CACNG7: variants seen among roughly 807,000 people sequenced by gnomAD.
CACNG7 encodes the protein calcium voltage-gated channel auxiliary subunit gamma 7.
In CACNG7, 9 loss-of-function variants were observed where a neutral mutation model predicts 26.3. The ratio of observed to expected loss-of-function variants is 0.34; its 90% CI spans 0.21 to 0.60. The LOEUF (loss-of-function observed/expected upper bound fraction) is 0.60. Ranked by LOEUF, CACNG7 falls within the 20% of genes least tolerant of loss-of-function variation. The pLI is 0.81. For missense variants in CACNG7, 297 were observed against 380.4 expected (o/e 0.78, Z 1.82); for synonymous variants, 170 against 157.0 (o/e 1.08, Z -0.62).
intron 4 of CACNG7, among the ~76,000 whole-genome samples, chr19:53,921,738 G>A (rs1345123903): frequency 1.0e-5 from 1 of 99,716 alleles, no homozygotes; most frequent in African/African-American, 5.9e-5. Context: ...CATTGGTGGA[G>A]TTGCCCCAGG....
Position 53,939,156 on chromosome 19 carries a change from G to T in CACNG7, c.425-2314G>T, listed in dbSNP as rs921450859. ...CCTGTTAATTCCAGCTACGCAGGAG[G>T]CTGAGGCAGGAGAATCGCTTGAGTC... On this transcript the variant is annotated intron_variant, in intron 4 of 5. Coordinates refer to ENST00000391767, the MANE Select transcript of CACNG7 (RefSeq NM_031896.5). This position sits in a 1 kb window ranked among gnomAD's most constrained non-coding sequence, Gnocchi z 4.2. 6.6e-6 allele frequency among the ~76,000 whole-genome samples: 1 copy of T among 152,136 alleles called. No homozygotes were observed. The highest frequency in any genetic ancestry group is 1.9e-4 in the East Asian group (1 of 5,196).
rs980615182 is a variant in CACNG7 at position 53,912,405 on chromosome 19, G to T, written c.-29-398G>T. ...AGGTGAGGTTAGGTTTTGGCAGGGG[G>T]ACCTGGTTCTGGGGTTAAGAAGCTC... On this transcript the variant is annotated intron_variant, in intron 1 of 5. Transcript: ENST00000391767. This position sits in a 1 kb window ranked among gnomAD's most constrained non-coding sequence, Gnocchi z 4.6. 1.8e-4 allele frequency among the ~76,000 whole-genome samples: 27 copies of T among 152,192 alleles called. No homozygotes were observed. Among genetic ancestry groups the T allele is most frequent in the African/African-American group, 6.3e-4 (26 of 41,450 alleles).
In CACNG7 at chr19:53,940,173, T is replaced by A. The variant is rs1409891993; in HGVS notation, c.425-1297T>A. On this transcript the variant is annotated intron_variant, in intron 4 of 5. Transcript: ENST00000391767. This position sits in a 1 kb window ranked among gnomAD's most constrained non-coding sequence, Gnocchi z 4.1. ...TGGTTACTGTTTAGAGGAAATTTCA[T>A]CTGGAGAAAATGATAATCGCCTCTT... Among the ~76,000 whole-genome samples the A allele has an allele frequency of 1.3e-5, 2 of 152,182 alleles. No homozygotes were observed. The highest frequency in any genetic ancestry group is 2.9e-5 in the Non-Finnish European group (2 of 68,034).
At chr19:53,921,365 T>TCCCCAGGTCTGGTCATTGGTGGAGTTG (rs1599976329) in intron 4 of CACNG7, among the ~76,000 whole-genome samples, 1 of 112,412 alleles carries the variant, frequency 8.9e-6, no homozygotes, top group Non-Finnish European at 1.7e-5. Context: ...GGTGGAGTCG[T>TCCCCAGGTCTGGTCATTGGTGGAGTTG]CCCCAGGTCT....
chr19:53,936,129 A>G (rs780839315), intron 4 of CACNG7, among the ~76,000 whole-genome samples: 7 of 135,032 alleles, frequency 5.2e-5, no homozygotes, highest in African/African-American at 8.5e-5. Context: ...TCAATCTTTC[A>G]TGTTGACGTT....
chr19:53,919,140 C>T (rs112011683), intron 4 of CACNG7, among the ~76,000 whole-genome samples: 4,323 of 152,240 alleles, frequency 0.028, 175 homozygotes, highest in African/African-American at 0.094. Context: ...GCCTCCTCAC[C>T]ATGGCATTAT....
At chr19:53,914,367 C>A in intron 2 of CACNG7, 133 bp from the exon 3 acceptor site, 1 of 661,020 alleles carries the variant, frequency 1.5e-6, no homozygotes, top group Non-Finnish European at 2.7e-6. Context: ...TGGAGTAGTA[C>A]AGCTCGTAAC....
At chr19:53,913,481 A>C (rs1412379556) in intron 2 of CACNG7, among the ~76,000 whole-genome samples, 1 of 151,874 alleles carries the variant, frequency 6.6e-6, no homozygotes, top group Non-Finnish European at 1.5e-5. Flanking sequence ...AATTAGCTGT[A>C]TGTGGTGGTG....
At chr19:53,917,700 ATAG>A (rs765417213) in intron 4 of CACNG7, among the ~76,000 whole-genome samples, 7 of 152,234 alleles carry the variant, frequency 4.6e-5, no homozygotes, top group Non-Finnish European at 8.8e-5. Context: ...AAATGGAAAA[ATAG>A]TAGCCTAGAG....
At chr19:53,921,458 T>TC (rs2068951041) in intron 4 of CACNG7, among the ~76,000 whole-genome samples, 4 of 146,654 alleles carry the variant, frequency 2.7e-5, no homozygotes, top group South Asian at 2.2e-4. Context: ...CCAGGTCTGG[T>TC]ATTGCTGGAG....
In CACNG7 at chr19:53,940,126, C is replaced by A. The variant is rs970511842; in HGVS notation, c.425-1344C>A. On this transcript the variant is annotated intron_variant, in intron 4 of 5. Coordinates refer to ENST00000391767, the MANE Select transcript of CACNG7 (RefSeq NM_031896.5). The surrounding 1 kb of genome is among the most constrained non-coding windows in gnomAD (Gnocchi z 4.1). ...ACATTTAAGGCAGGGAACTTTATAG[C>A]CTCCTTAAGCCACTCTTGGCATGGT... 2.0e-5 allele frequency among the ~76,000 whole-genome samples: 3 copies of A among 152,102 alleles called. No individual in the cohort carries two copies. Among genetic ancestry groups the A allele is most frequent in the Admixed American group, 2.0e-4 (3 of 15,262 alleles).
At chr19:53,932,717 A>AT (rs1387054442) in intron 4 of CACNG7, among the ~76,000 whole-genome samples, 1 of 150,262 alleles carries the variant, frequency 6.7e-6, no homozygotes, top group Non-Finnish European at 1.5e-5. Flanking sequence ...CTGGCCATTT[A>AT]TTTTTTTGAG....
chr19:53,914,468 C>T (rs573300409), intron 2 of CACNG7, 32 bp from the exon 3 acceptor site: 13 of 1,596,966 alleles, frequency 8.1e-6, no homozygotes, highest in Non-Finnish European at 1.0e-5. Context: ...AGGAGCCTCT[C>T]ATCCAGCCCT....
At chr19:53,941,925 T>C in intron 5 of CACNG7, 111 bp from the exon 6 acceptor site, 1 of 1,342,382 alleles carries the variant, frequency 7.4e-7, no homozygotes, top group Non-Finnish European at 9.9e-7. Context: ...GGTCCTGGGA[T>C]AGGAAGGGGC....
At chr19:53,916,449 A>G (rs2068898053) in intron 4 of CACNG7, among the ~76,000 whole-genome samples, 2 of 150,526 alleles carry the variant, frequency 1.3e-5, no homozygotes, top group African/African-American at 2.5e-5. Flanking sequence ...AGAGGACTTC[A>G]GTGTCCAGAG....
chr19:53,941,571 G>A lies in CACNG7; in HGVS notation c.526G>A (p.Gly176Arg), dbSNP rs1437342585. The change falls in exon 5 of 6, where the codon GGG (glycine) becomes AGG (arginine). Residue 176 changes from glycine to arginine, a missense_variant. Gly to Arg is a moderately radical substitution (Grantham distance 125). Transcript: ENST00000391767. ...SSEQYFHYRYGWSFAFAASSF... is the reference protein window; with the variant it reads ...SSEQYFHYRYRWSFAFAASSF... ...TGAGCAGTATTTTCATTATCGCTAC[G>A]GGTGGTCTTTTGCCTTCGCCGCTTC... The A allele has an allele frequency of 1.9e-6, 3 of 1,611,754 alleles. No individual in the cohort carries two copies. Among genetic ancestry groups the A allele is most frequent in the Non-Finnish European group, 2.5e-6 (3 of 1,179,204 alleles).
In CACNG7 at chr19:53,939,640, A is replaced by G. The variant is rs1164055740; in HGVS notation, c.425-1830A>G. Among the ~76,000 whole-genome samples, 1 of 152,184 alleles carries G rather than the reference A, an allele frequency of 6.6e-6. No homozygotes were observed. The highest frequency in any genetic ancestry group is 2.4e-5 in the African/African-American group (1 of 41,440). On this transcript the variant is annotated intron_variant, in intron 4 of 5. Transcript: ENST00000391767. The surrounding 1 kb of genome is among the most constrained non-coding windows in gnomAD (Gnocchi z 4.2). ...TTTTTTGGCTGAATAGTATTCCTGTATATGGATATACCACATTTTGTTTAT... is the reference window on the plus strand; with the variant it reads ...TTTTTTGGCTGAATAGTATTCCTGTGTATGGATATACCACATTTTGTTTAT...
chr19:53,941,735 G>A, intron 5 of CACNG7, 120 bp downstream of exon 5: 1 of 1,249,858 alleles, frequency 8.0e-7, no homozygotes, highest in South Asian at 1.4e-5. Context: ...AGAGGGAGGT[G>A]GTAGCTGAGG....
At chr19:53,911,420 C>T (rs979061205) in intron 1 of CACNG7, among the ~76,000 whole-genome samples, 1 of 152,090 alleles carries the variant, frequency 6.6e-6, no homozygotes, top group Non-Finnish European at 1.5e-5. Context: ...GGTTCTATGT[C>T]TCTGGGTTCC....
Sources: allele counts gnomAD v4.1 joint callset (sites outside exome capture counted in the v4.1 genomes callset), GRCh38; gene constraint gnomAD v4.1.1; non-coding constraint Gnocchi (gnomAD v3.1); transcripts MANE v1.5; gene names NCBI Gene and HGNC (gene_info 2026-07-23, HGNC 2026-07-21).